The following VOPP1 variants were observed in gnomAD, a reference collection of about 807,000 sequenced individuals.
VOPP1 encodes the protein VOPP1 WW domain binding protein, also known as WW domain binding protein VOPP1.
A neutral mutation model predicts 23.5 loss-of-function variants in VOPP1; 8 were observed. The ratio of observed to expected loss-of-function variants is 0.34; its 90% CI spans 0.20 to 0.61. The LOEUF is 0.61. Ranked by LOEUF, VOPP1 falls within the 20% of genes least tolerant of loss-of-function variation. VOPP1 has a pLI of 0.78. For missense variants in VOPP1, 174 were observed against 238.1 expected (o/e 0.73, Z 1.77); for synonymous variants, 83 against 97.3 (o/e 0.85, Z 0.86).
intron 4 of VOPP1, among the ~76,000 whole-genome samples, chr7:55,462,995 G>C (rs917016837): frequency 6.6e-6 from 1 of 151,996 alleles, no homozygotes; most frequent in African/African-American, 2.4e-5. Context: ...ATCTATCTCT[G>C]TTGAATTTCT....
At position 55,553,720 on chromosome 7, in the gene VOPP1, T is replaced by A. The variant is rs138074020; in HGVS notation, c.54+18551A>T. On this transcript the variant is annotated intron_variant, in intron 1 of 4. Coordinates refer to ENST00000285279, the MANE Select transcript of VOPP1 (RefSeq NM_030796.5). Reference sequence around the variant, plus strand: ...AAGAGCTCCGTCCTCAAGACCTGGTTCCCCTGATATCTCTGTGCTCCCTTC... The same window carrying A: ...AAGAGCTCCGTCCTCAAGACCTGGTACCCCTGATATCTCTGTGCTCCCTTC... 7.2e-3 allele frequency: 1,094 copies of A among 150,900 alleles called. 8 individuals are homozygous for A. Among genetic ancestry groups the A allele is most frequent in the South Asian group, 0.019 (91 of 4,738 alleles). The allele number at this position is 150,900 out of a possible 1,614,324, so 9.3% of individuals were successfully genotyped here. A position where few individuals can be genotyped will look rare whatever the true frequency, so the allele number is the denominator to read the frequency against.
intron 1 of VOPP1, among the ~76,000 whole-genome samples, chr7:55,565,770 TATAAACTA>T (rs1798143883): frequency 2.6e-3 from 2 of 778 alleles, no homozygotes; most frequent in East Asian, 0.25. Context: ...GACGCACTAG[TATAAACTA>T]GTATAATTTT....
intron 4 of VOPP1, among the ~76,000 whole-genome samples, chr7:55,487,775 T>C (rs956347388): frequency 1.3e-5 from 2 of 152,244 alleles, no homozygotes; most frequent in African/African-American, 4.8e-5. Context: ...CATAATTCAA[T>C]CATCGTTTTC....
At chr7:55,514,241 A>G (rs928984625) in intron 2 of VOPP1, among the ~76,000 whole-genome samples, 1 of 152,188 alleles carries the variant, frequency 6.6e-6, no homozygotes. Context: ...TACAACACAC[A>G]TGCCTGCTCA....
At chr7:55,473,318 T>A (rs1791982264) in intron 4 of VOPP1, among the ~76,000 whole-genome samples, 1 of 152,288 alleles carries the variant, frequency 6.6e-6, no homozygotes, top group East Asian at 1.9e-4. Flanking sequence ...CACAGTAAGG[T>A]GAGGCTGTCT....
At chr7:55,566,801 A>C (rs569810690) in intron 1 of VOPP1, among the ~76,000 whole-genome samples, 1 of 152,202 alleles carries the variant, frequency 6.6e-6, no homozygotes, top group Non-Finnish European at 1.5e-5. Flanking sequence ...CAAAATTTTC[A>C]AACTGCAGCT....
At chr7:55,498,440 G>T (rs62457899) in intron 2 of VOPP1, among the ~76,000 whole-genome samples, 1 of 12,052 alleles carries the variant, frequency 8.3e-5, no homozygotes, top group Non-Finnish European at 1.9e-4. Flanking sequence ...GCATGGGCAG[G>T]TGAGGCACTC....
At chr7:55,544,937 C>A (rs149440739) in intron 1 of VOPP1, among the ~76,000 whole-genome samples, 1 of 152,096 alleles carries the variant, frequency 6.6e-6, no homozygotes, top group African/African-American at 2.4e-5. Context: ...ATTTTACTTT[C>A]GTGTAATCGG....
At chr7:55,445,244 G>GACAC (rs202053072) in intron 4 of VOPP1, among the ~76,000 whole-genome samples, 3,678 of 121,466 alleles carry the variant, frequency 0.03, 105 homozygotes, top group African/African-American at 0.099. Context: ...CACACACACA[G>GACAC]ACACACACAC....
rs1487891930 is a variant in VOPP1 at position 55,519,480 on chromosome 7, C to T, written c.113+1592G>A. ...TTAAGGAAGAGCACACAGGAGGAGG[C>T]GAAAGGTCCACATTTGCGCAAAAAG... On this transcript the variant is annotated intron_variant, in intron 2 of 4. Transcript: ENST00000285279. Among the ~76,000 whole-genome samples, 6 of 152,150 alleles carry T rather than the reference C, an allele frequency of 3.9e-5. No individual in the cohort carries two copies. The South Asian group carries it at 6.2e-4, about 16-fold the overall frequency.
At chr7:55,485,668 G>C (rs1210326531) in intron 4 of VOPP1, among the ~76,000 whole-genome samples, 1 of 152,210 alleles carries the variant, frequency 6.6e-6, no homozygotes, top group African/African-American at 2.4e-5. Flanking sequence ...ACGCCACACA[G>C]GGCCCACACA....
At chr7:55,513,279 T>C (rs1266434347) in intron 2 of VOPP1, among the ~76,000 whole-genome samples, 1 of 152,184 alleles carries the variant, frequency 6.6e-6, no homozygotes. Context: ...TGAGTGGTGC[T>C]CTGGAAATTA....
intron 1 of VOPP1, among the ~76,000 whole-genome samples, chr7:55,532,950 A>G (rs2129047357): frequency 6.6e-6 from 1 of 152,338 alleles, no homozygotes; most frequent in East Asian, 1.9e-4. Flanking sequence ...TATAAATGTT[A>G]AGGGACTAAG....
intron 1 of VOPP1, among the ~76,000 whole-genome samples, chr7:55,569,018 T>C (rs1798257323): frequency 6.6e-6 from 1 of 152,240 alleles, no homozygotes; most frequent in African/African-American, 2.4e-5. Flanking sequence ...ATCTGCCACA[T>C]TCGTGGCCTG....
chr7:55,480,960 A>T (rs779866398), intron 4 of VOPP1, among the ~76,000 whole-genome samples: 3 of 152,252 alleles, frequency 2.0e-5, no homozygotes. Flanking sequence ...AGTGCTAAAG[A>T]TGAAAATAAA....
rs148729908 is a variant in VOPP1 at position 55,501,390 on chromosome 7, C to T, written c.114-3700G>A. On this transcript the variant is annotated intron_variant, in intron 2 of 4. Transcript: ENST00000285279. Reference sequence around the variant, plus strand: ...AGGCACACTTCTTCACAGCTGCTGCCAGGGAAGCCCCAAGTTAAAAGTGGA... The same window carrying T: ...AGGCACACTTCTTCACAGCTGCTGCTAGGGAAGCCCCAAGTTAAAAGTGGA... Among the ~76,000 whole-genome samples the T allele has an allele frequency of 4.4e-3, 669 of 152,312 alleles. 4 individuals carry two copies. The highest frequency in any genetic ancestry group is 0.015 in the South Asian group (74 of 4,822).
intron 4 of VOPP1, among the ~76,000 whole-genome samples, chr7:55,485,629 A>C (rs116429599): frequency 0.013 from 2,052 of 152,278 alleles, 16 homozygotes; most frequent in Middle Eastern, 0.024. Flanking sequence ...GCTGCCTCAT[A>C]ACCCCGGCTG....
At chr7:55,488,178 T>A (rs1441743330) in intron 4 of VOPP1, among the ~76,000 whole-genome samples, 2 of 152,220 alleles carry the variant, frequency 1.3e-5, no homozygotes, top group South Asian at 4.1e-4. Flanking sequence ...GCTGACACTA[T>A]ATGCATAGAT....
intron 1 of VOPP1, among the ~76,000 whole-genome samples, chr7:55,524,634 A>T (rs1294758846): frequency 1.3e-5 from 2 of 152,244 alleles, no homozygotes; most frequent in African/African-American, 4.8e-5. Flanking sequence ...CAAAATGAGG[A>T]CACAGAAGTC....
Sources: allele counts gnomAD v4.1 joint callset (sites outside exome capture counted in the v4.1 genomes callset), GRCh38; gene constraint gnomAD v4.1.1; transcripts MANE v1.5; gene names NCBI Gene and HGNC (gene_info 2026-07-23, HGNC 2026-07-21).